WNT8A: variants seen among roughly 807,000 people sequenced by gnomAD.
WNT8A encodes Wnt family member 8A, also known as protein Wnt-8a.
A neutral mutation model predicts 20.5 loss-of-function variants in WNT8A; 14 were observed. The observed-to-expected ratio is 0.68, with a 90% CI of 0.45 to 1.07. The LOEUF is 1.07. Ranked by LOEUF, WNT8A falls within the 50% of genes least tolerant of loss-of-function variation. The pLI is 0.00. For synonymous variants in WNT8A, 167 were observed against 169.2 expected (o/e 0.99, Z 0.10); for missense variants, 397 against 462.9 (o/e 0.86, Z 1.31).
At chr5:138,083,978 C>G, upstream of WNT8A, 1 of 1,034,312 alleles carries the variant, frequency 9.7e-7, no homozygotes, top group Non-Finnish European at 1.4e-6. Flanking sequence ...CTGATTTCCT[C>G]CCTTGGACAT....
intron 2 of WNT8A, among the ~76,000 whole-genome samples, chr5:138,085,225 G>A (rs1344799840): frequency 3.3e-5 from 5 of 152,316 alleles, no homozygotes; most frequent in African/African-American, 7.2e-5. Context: ...GTAAGCCACC[G>A]TGCCCAGCGG....
chr5:138,087,109 G>A (rs1316204243), intron 2 of WNT8A, among the ~76,000 whole-genome samples: 1 of 151,640 alleles, frequency 6.6e-6, no homozygotes, highest in African/African-American at 2.4e-5. Flanking sequence ...TGTAATCCCA[G>A]CACTTTGGGA....
At chr5:138,080,441 C>CTTTTTTTTTT (rs1554086762), upstream of WNT8A, among the ~76,000 whole-genome samples, 2 of 56,368 alleles carry the variant, frequency 3.5e-5, no homozygotes, top group African/African-American at 6.5e-5. Context: ...CTCTGTAAAT[C>CTTTTTTTTTT]TTGTTTTTTT....
At chr5:138,083,553 C>T (rs1006755232), upstream of WNT8A, among the ~76,000 whole-genome samples, 13 of 152,146 alleles carry the variant, frequency 8.5e-5, no homozygotes, top group Non-Finnish European at 1.3e-4. Flanking sequence ...GTAGGGATGG[C>T]GCACTCACTG....
upstream of WNT8A, among the ~76,000 whole-genome samples, chr5:138,080,490 T>A (rs1750484319): frequency 6.9e-6 from 1 of 144,258 alleles, no homozygotes; most frequent in South Asian, 2.2e-4. Context: ...ATATTTTTAG[T>A]AGAGATGAGG....
chr5:138,091,402 T>C lies in WNT8A; in HGVS notation c.*329T>C. 1 of 1,376,038 alleles carries C rather than the reference T, an allele frequency of 7.3e-7. No homozygotes were observed. The highest frequency in any genetic ancestry group is 9.6e-7 in the Non-Finnish European group (1 of 1,038,156). 85.2% of individuals were successfully genotyped at this position (1,376,038 alleles called of 1,614,324 possible). On this transcript the variant is annotated 3_prime_UTR_variant, in exon 5 of 5. Transcript: ENST00000506684. The stretch of plus-strand genomic sequence containing the variant: ...TCTATATCTAGAGGGACCTTCAAAG[T>C]ATTTGTTCCTTTAAATTTCAGACCA...
At position 138,084,045 on chromosome 5, in the gene WNT8A, G is replaced by T; in HGVS notation, c.-83G>T. On this transcript the variant is annotated 5_prime_UTR_variant, in exon 1 of 5. Coordinates refer to ENST00000506684, the MANE Select transcript of WNT8A (RefSeq NM_001300939.2). Reference sequence around the variant, plus strand: ...ACCCTGCCCTCTCCTCACTTCTCTGGACTTGGCCCTGAGCTGGACCTGGTC... The same window carrying T: ...ACCCTGCCCTCTCCTCACTTCTCTGTACTTGGCCCTGAGCTGGACCTGGTC... 1 of 1,588,622 alleles carries T rather than the reference G, an allele frequency of 6.3e-7. No homozygotes were observed. The highest frequency in any genetic ancestry group is 8.6e-7 in the Non-Finnish European group (1 of 1,162,156).
chr5:138,080,452 T>TG (rs1359883742), upstream of WNT8A, among the ~76,000 whole-genome samples: 1 of 43,832 alleles, frequency 2.3e-5, no homozygotes, highest in Non-Finnish European at 4.8e-5. Context: ...TTGTTTTTTT[T>TG]TTTTTTTTTT....
At chr5:138,087,671 A>AAT in intron 2 of WNT8A, 135 bp from the exon 3 acceptor site, 1 of 829,694 alleles carries the variant, frequency 1.2e-6, no homozygotes, top group Non-Finnish European at 1.7e-6. Context: ...AAAAAAAAAA[A>AAT]AAAGAAAGAA....
chr5:138,086,523 T>C (rs1750667827), intron 2 of WNT8A, among the ~76,000 whole-genome samples: 1 of 152,088 alleles, frequency 6.6e-6, no homozygotes, highest in Admixed American at 6.6e-5. Flanking sequence ...CTCTGGTTTT[T>C]ACTTTCCCCA....
chr5:138,090,380 C>G lies in WNT8A; in HGVS notation c.565-148C>G, dbSNP rs536769000. 83 of 694,958 alleles carry G rather than the reference C, an allele frequency of 1.2e-4. No individual in the cohort carries two copies. In the Admixed American group the frequency reaches 2.4e-3, roughly 20 times the overall value. The allele number at this position is 694,958 out of a possible 1,614,324, so 43.0% of individuals were successfully genotyped here. On this transcript the variant is annotated intron_variant, in intron 4 of 4. Coordinates refer to ENST00000506684, the MANE Select transcript of WNT8A (RefSeq NM_001300939.2). The stretch of plus-strand genomic sequence containing the variant: ...TCATTGAGAAGATCTGAGGTAGGGT[C>G]GAGGAATAAATATTTTTCGTGAGCT...
intron 3 of WNT8A, 49 bp downstream of exon 3, chr5:138,087,980 G>C: frequency 6.2e-7 from 1 of 1,606,276 alleles, no homozygotes; most frequent in Non-Finnish European, 8.5e-7. Context: ...GGGCTACAGA[G>C]CTGAGTGCAG....
intron 2 of WNT8A, among the ~76,000 whole-genome samples, chr5:138,086,379 G>A (rs1750662858): frequency 2.6e-5 from 4 of 151,722 alleles, no homozygotes; most frequent in Non-Finnish European, 4.4e-5. Context: ...CCCCATGCCC[G>A]GCTAATTTTT....
Position 138,091,260 on chromosome 5 carries a change from A to G in WNT8A, c.*187A>G. 1 of 1,572,198 alleles carries G rather than the reference A, an allele frequency of 6.4e-7. No individual in the cohort carries two copies. Among genetic ancestry groups the G allele is most frequent in the Non-Finnish European group, 8.6e-7 (1 of 1,166,758 alleles). ...ACAGCATATTCCTGGCGGGGCTGAAATTGGAACCTGGGCCTCCTGACTTTG... is the reference window on the plus strand; with the variant it reads ...ACAGCATATTCCTGGCGGGGCTGAAGTTGGAACCTGGGCCTCCTGACTTTG... On this transcript the variant is annotated 3_prime_UTR_variant, in exon 5 of 5. Coordinates refer to ENST00000506684, the MANE Select transcript of WNT8A (RefSeq NM_001300939.2).
In WNT8A at chr5:138,090,929, G is replaced by A; in HGVS notation, c.966G>A (p.Arg322=). The change falls in exon 5 of 5, where the codon AGG becomes AGA. Residue 322 remains arginine, a synonymous_variant. Transcript: ENST00000506684. The part of the protein sequence containing the change: ...CTECGLQVEE[R]KTEVISSCNC... ...AGTGTGGGCTGCAGGTGGAAGAGAGGAAAACTGAGGTCATAAGCAGCTGTA... is the reference window on the plus strand; with the variant it reads ...AGTGTGGGCTGCAGGTGGAAGAGAGAAAAACTGAGGTCATAAGCAGCTGTA... 1.2e-6 allele frequency: 2 copies of A among 1,614,220 alleles called. No homozygotes were observed. Among genetic ancestry groups the A allele is most frequent in the African/African-American group, 1.3e-5 (1 of 75,048 alleles).
chr5:138,084,311 AC>A (rs1223778708), intron 1 of WNT8A, 28 bp downstream of exon 1: 1 of 1,612,660 alleles, frequency 6.2e-7, no homozygotes, highest in Admixed American at 1.7e-5. Context: ...TTCTGTTTTT[AC>A]CCACTGAGGG....
upstream of WNT8A, among the ~76,000 whole-genome samples, chr5:138,080,453 T>TG (rs1440948896): frequency 2.1e-5 from 2 of 96,488 alleles, no homozygotes; most frequent in South Asian, 2.7e-4. Context: ...TGTTTTTTTT[T>TG]TTTTTTTTTT....
At position 138,084,201 on chromosome 5, in the gene WNT8A, A is replaced by C; in HGVS notation, c.74A>C (p.His25Pro). The change falls in exon 1 of 5, where the codon CAT becomes CCT. Residue 25 changes from histidine to proline, a missense_variant. Coordinates refer to ENST00000506684, the MANE Select transcript of WNT8A (RefSeq NM_001300939.2). ...PTLTPCQGGP[H>P]CLIPIHLCLT... ...CTCACTCCTTGCCAAGGAGGCCCCC[A>C]TTGTCTCATCCCCATTCACCTCTGC... The C allele has an allele frequency of 2.5e-6, 4 of 1,613,954 alleles. No individual in the cohort carries two copies. The South Asian group carries it at 4.4e-5, about 18-fold the overall frequency.
At chr5:138,091,564 C>G (rs1750857322), downstream of WNT8A, 2 of 1,224,970 alleles carry the variant, frequency 1.6e-6, no homozygotes, top group Non-Finnish European at 2.1e-6. Context: ...TATCTGCCTA[C>G]TGGAAAGTTT....
Sources: allele counts gnomAD v4.1 joint callset (sites outside exome capture counted in the v4.1 genomes callset), GRCh38; gene constraint gnomAD v4.1.1; transcripts MANE v1.5; gene names NCBI Gene and HGNC (gene_info 2026-07-23, HGNC 2026-07-21).